The following MYOF variants were observed in gnomAD, a reference collection of about 807,000 sequenced individuals.
MYOF encodes the protein fer-1-like 3, myoferlin.
MYOF carries 244 observed loss-of-function variants against 284.2 expected under a neutral mutation model. The observed-to-expected ratio is 0.86, with a 90% confidence interval of 0.77 to 0.95. MYOF has a LOEUF of 0.95. Ranked by LOEUF, MYOF falls within the 40% of genes least tolerant of loss-of-function variation. MYOF has a pLI of 0.00. For synonymous variants in MYOF, 904 were observed against 919.7 expected, an observed-to-expected ratio of 0.98 and a Z score of 0.31; for missense variants, 2,496 against 2,560.6, an observed-to-expected ratio of 0.97 and a Z score of 0.54.
chr10:93,403,316 G>A (rs560523046), intron 9 of MYOF, among the ~76,000 whole-genome samples: 2 of 152,148 alleles, frequency 1.3e-5, no homozygotes, highest in South Asian at 4.2e-4. Context: ...CCATTGACTG[G>A]GCACTTCAAT....
chr10:93,378,914 C>G (rs2133992781), intron 21 of MYOF, among the ~76,000 whole-genome samples: 1 of 151,782 alleles, frequency 6.6e-6, no homozygotes, highest in East Asian at 2.0e-4. Flanking sequence ...CAGGGTTTCA[C>G]CATGCTGGCC....
At chr10:93,340,418 G>A (rs1201757140) in intron 38 of MYOF, among the ~76,000 whole-genome samples, 3 of 152,072 alleles carry the variant, frequency 2.0e-5, no homozygotes, top group African/African-American at 4.8e-5. Flanking sequence ...TATAATGAAA[G>A]GCTTGGAAGT....
rs768344904 is a variant in MYOF at position 93,408,822 on chromosome 10, T to C, written c.694A>G (p.Arg232Gly). Residue 232 changes from arginine to glycine, a missense_variant, in exon 7 of 54, where the codon AGA (arginine) becomes GGA (glycine). By Grantham distance (125) the Arg-to-Gly change is moderately radical. Around this residue, in one of 3 missense-constraint regions of MYOF, gnomAD observed 2,436 missense variants for 2,480.7 expected, o/e 0.98. Coordinates refer to ENST00000359263, the MANE Select transcript of MYOF (RefSeq NM_013451.4). ...VHVCGQTHRT[R>G]IKRGNNPFFD... ...AAAGGGTTGTTTCCTCTCTTGATTCTTGTTCGGTGTGTCTGGCCACAGACG... is the reference window on the plus strand; with the variant it reads ...AAAGGGTTGTTTCCTCTCTTGATTCCTGTTCGGTGTGTCTGGCCACAGACG... 3.7e-6 allele frequency: 6 copies of C among 1,614,094 alleles called. No individual in the cohort carries two copies. The Admixed American group carries it at 1.0e-4, about 27-fold the overall frequency.
At position 93,389,090 on chromosome 10, in the gene MYOF, A is replaced by T; in HGVS notation, c.1521T>A (p.Tyr507Ter). 6.2e-7 allele frequency: 1 copy of T among 1,614,194 alleles called. No homozygotes were observed. The highest frequency in any genetic ancestry group is 1.7e-5 in the Admixed American group (1 of 60,026). ...ATCCCGTGTACTCTCTGGGGCTTCC[A>T]TAAAGATTCAGGTAACAAGGTCCAA... The part of the protein sequence containing the change: ...PTFGPCYLNL[Y>*]GSPREYTGFP... The change falls in exon 18 of 54, where the codon TAT (tyrosine) becomes TAA (stop). Residue 507 changes from tyrosine to a stop codon, truncating the protein, a stop_gained. Transcript: ENST00000359263. LOFTEE classifies it high-confidence loss of function.
At chr10:93,313,967 G>C (rs1842502085) in intron 50 of MYOF, among the ~76,000 whole-genome samples, 1 of 152,158 alleles carries the variant, frequency 6.6e-6, no homozygotes, top group African/African-American at 2.4e-5. Context: ...GACTCTCCTA[G>C]TAAAACCTCA....
Position 93,358,805 on chromosome 10 carries a change from G to C in MYOF, c.3120+1028C>G, listed in dbSNP as rs555789454. 2.0e-3 allele frequency among the ~76,000 whole-genome samples: 297 copies of C among 152,238 alleles called. 2 individuals are homozygous for C. Among genetic ancestry groups the C allele is most frequent in the African/African-American group, 7.0e-3 (289 of 41,526 alleles). On this transcript the variant is annotated intron_variant, in intron 29 of 53. Coordinates refer to ENST00000359263, the MANE Select transcript of MYOF (RefSeq NM_013451.4). ...CACACACTGGGGCCGGCGGGTGGAG[G>C]GAGCGCATCAGGATAAATAGCTAAT...
At chr10:93,342,769 A>C (rs139234038) in intron 38 of MYOF, among the ~76,000 whole-genome samples, 1 of 152,344 alleles carries the variant, frequency 6.6e-6, no homozygotes, top group African/African-American at 2.4e-5. Flanking sequence ...GCGAGATCTT[A>C]AACTGTCTTT....
At chr10:93,422,523 G>A (rs777633112) in intron 5 of MYOF, among the ~76,000 whole-genome samples, 17 of 152,198 alleles carry the variant, frequency 1.1e-4, no homozygotes, top group South Asian at 2.1e-4. Flanking sequence ...GGGGCCAGGC[G>A]TGGTGGCTCA....
chr10:93,338,651 C>G (rs1188081866), intron 39 of MYOF, among the ~76,000 whole-genome samples: 1 of 152,144 alleles, frequency 6.6e-6, no homozygotes, highest in Admixed American at 6.5e-5. Context: ...ACCAGGGCTC[C>G]CAACCTATCC....
Position 93,377,514 on chromosome 10 carries a change from A to T in MYOF, c.2002-85T>A, listed in dbSNP as rs570814431. The T allele has an allele frequency of 1.2e-3, 1,220 of 977,760 alleles. 24 individuals carry two copies. The South Asian group carries it at 0.016, about 13-fold the overall frequency. 60.6% of individuals were successfully genotyped at this position (977,760 alleles called of 1,614,324 possible). ...TTCATATAGTTTAACCTGTGAAATC[A>T]TGTAAATATTTTTGTATATTCAAAA... On this transcript the variant is annotated intron_variant, in intron 21 of 53. Transcript: ENST00000359263.
intron 20 of MYOF, among the ~76,000 whole-genome samples, chr10:93,380,427 G>C (rs1161312929): frequency 2.0e-5 from 3 of 152,178 alleles, no homozygotes; most frequent in Non-Finnish European, 4.4e-5. Flanking sequence ...GCTACATAGG[G>C]TTTGGTACTA....
At chr10:93,446,858 C>T (rs2056445355) in intron 3 of MYOF, among the ~76,000 whole-genome samples, 1 of 151,918 alleles carries the variant, frequency 6.6e-6, no homozygotes, top group Non-Finnish European at 1.5e-5. Context: ...GCTGGGATTA[C>T]AGGTGTGCAC....
chr10:93,308,839 G>C (rs1380847566), intron 53 of MYOF, among the ~76,000 whole-genome samples: 1 of 151,960 alleles, frequency 6.6e-6, no homozygotes, highest in Non-Finnish European at 1.5e-5. Context: ...AGCATCCCTA[G>C]TAGCTGGGAT....
chr10:93,452,399 A>T (rs1422484223), intron 2 of MYOF, among the ~76,000 whole-genome samples: 1 of 151,968 alleles, frequency 6.6e-6, no homozygotes, highest in East Asian at 1.9e-4. Flanking sequence ...CAACCAGGTG[A>T]CCACACCCCT....
chr10:93,417,207 A>G (rs1848168873), intron 5 of MYOF, among the ~76,000 whole-genome samples: 1 of 152,082 alleles, frequency 6.6e-6, no homozygotes, highest in African/African-American at 2.4e-5. Flanking sequence ...AAAGCTTCTC[A>G]CTGCATCCAA....
rs1844768622 is a variant in MYOF, at chr10:93,355,728, G to GGAT, written c.3302_3303insATC (p.Asp1101delinsGluSer). On this transcript the variant is annotated protein_altering_variant, in exon 31 of 54. Transcript: ENST00000359263. Reference sequence around the variant, plus strand: ...TCTTCTCATCCCCATCTTCGGTAGTGTCTGCCCCCTGAAGTCAATTAACAG... The same window carrying GGAT: ...TCTTCTCATCCCCATCTTCGGTAGTGGATTCTGCCCCCTGAAGTCAATTAACAG... The GGAT allele has an allele frequency of 6.2e-7, 1 of 1,612,152 alleles. No homozygotes were observed.
intron 1 of MYOF, among the ~76,000 whole-genome samples, chr10:93,465,856 C>T (rs974831667): frequency 4.6e-5 from 7 of 152,122 alleles, no homozygotes; most frequent in Non-Finnish European, 8.8e-5. Context: ...CTCCTTGCAT[C>T]CCCCCAGGGA....
In MYOF at chr10:93,351,569, G is replaced by A; in HGVS notation, c.3666C>T (p.Gly1222=). Residue 1222 remains glycine (G), a splice_region_variant and synonymous_variant, in exon 34 of 54, where the codon GGC becomes GGT. Transcript: ENST00000359263. The stretch of plus-strand genomic sequence containing the variant: ...TGCTTCGTCCTAAAAATTCATCTTT[G>A]CCCTAGAGAAACAAAGTGATCCTTA... ...IMELFDNDQV[G]KDEFLGRSIF... 1 of 1,613,906 alleles carries A rather than the reference G, an allele frequency of 6.2e-7. No individual in the cohort carries two copies. Among genetic ancestry groups the A allele is most frequent in the East Asian group, 2.2e-5 (1 of 44,882 alleles).
intron 41 of MYOF, among the ~76,000 whole-genome samples, 153 bp from the exon 42 acceptor site, chr10:93,334,066 CAG>C (rs559869079): frequency 4.1e-4 from 63 of 152,192 alleles, no homozygotes; most frequent in African/African-American, 1.4e-3. Context: ...TGCATATTTC[CAG>C]TAGGGAAAGT....
Sources: allele counts gnomAD v4.1 joint callset (sites outside exome capture counted in the v4.1 genomes callset), GRCh38; gene constraint gnomAD v4.1.1; regional missense constraint gnomAD v4.1.1; transcripts MANE v1.5; gene names NCBI Gene and HGNC (gene_info 2026-07-23, HGNC 2026-07-21).